Variants in PPARG observed in about 807,000 individuals in gnomAD.
PPARG encodes peroxisome proliferator-activated receptor gamma.
A neutral mutation model predicts 39.2 loss-of-function variants in PPARG; 17 were observed. The observed-to-expected ratio is 0.43, with a 90% CI of 0.30 to 0.65. The LOEUF (loss-of-function observed/expected upper bound fraction) is 0.65. PPARG is among the 30% of genes least tolerant of loss of function. The pLI is 0.13. For missense variants in PPARG, 406 were observed against 585.9 expected (o/e 0.69, Z 3.17); for synonymous variants, 223 against 215.7 (o/e 1.03, Z -0.30).
At chr3:12,395,454 C>A (rs2050225120) in intron 5 of PPARG, among the ~76,000 whole-genome samples, 1 of 152,192 alleles carries the variant, frequency 6.6e-6, no homozygotes, top group Admixed American at 6.5e-5. Flanking sequence ...TACAGAGCCT[C>A]TGGGCTAGAG....
chr3:12,336,690 G>A (rs1417872899), intron 2 of PPARG, among the ~76,000 whole-genome samples: 1 of 152,118 alleles, frequency 6.6e-6, no homozygotes, highest in Non-Finnish European at 1.5e-5. Context: ...TTTGTTTAAA[G>A]TACTGAAAAC....
chr3:12,325,165 G>A (rs1434428990), intron 2 of PPARG, among the ~76,000 whole-genome samples: 3 of 151,980 alleles, frequency 2.0e-5, no homozygotes, highest in Admixed American at 6.6e-5. Context: ...GCTCACACCT[G>A]TAATCCCAAC....
At position 12,418,954 on chromosome 3, in the gene PPARG, T is replaced by C. The variant is rs187570230; in HGVS notation, c.1180+1800T>C. ...TTGTTGTTGTTTGTTTTTTGTTTTT[T>C]TGTTTTTGAGGCGAAGTCTCACTCT... On this transcript the variant is annotated intron_variant, in intron 7 of 7. Transcript: ENST00000651735. Among the ~76,000 whole-genome samples the C allele has an allele frequency of 2.2e-3, 341 of 152,336 alleles. 2 individuals are homozygous for C. Among genetic ancestry groups the C allele is most frequent in the African/African-American group, 7.8e-3 (324 of 41,572 alleles).
intron 1 of PPARG, among the ~76,000 whole-genome samples, chr3:12,292,076 A>G (rs552040851): frequency 6.6e-6 from 1 of 152,344 alleles, no homozygotes; most frequent in African/African-American, 2.4e-5. Flanking sequence ...TCAAACCTCA[A>G]TAACTTTGAG....
At chr3:12,292,776 C>A (rs1447833250) in intron 1 of PPARG, among the ~76,000 whole-genome samples, 2 of 152,126 alleles carry the variant, frequency 1.3e-5, no homozygotes, top group Admixed American at 6.5e-5. Context: ...GGTAACAGCA[C>A]ACGGGGTGAT....
intron 5 of PPARG, chr3:12,399,456 G>A: frequency 2.2e-6 from 1 of 453,586 alleles, no homozygotes. Flanking sequence ...GCGTGGTGGT[G>A]CATGCCTGTG....
chr3:12,292,344 C>G (rs950834735), intron 1 of PPARG, among the ~76,000 whole-genome samples: 1 of 152,268 alleles, frequency 6.6e-6, no homozygotes, highest in South Asian at 2.1e-4. Flanking sequence ...CTTTGCATAT[C>G]TTTATGGCAC....
chr3:12,414,496 T>C (rs995278768), intron 6 of PPARG, among the ~76,000 whole-genome samples: 1 of 152,046 alleles, frequency 6.6e-6, no homozygotes, highest in Admixed American at 6.6e-5. Flanking sequence ...AAAGTAAATA[T>C]TTCATTAATA....
intron 2 of PPARG, among the ~76,000 whole-genome samples, chr3:12,336,478 G>C (rs1429830920): frequency 6.6e-6 from 1 of 152,004 alleles, no homozygotes; most frequent in Non-Finnish European, 1.5e-5. Context: ...TAGTTCTTTA[G>C]AAAAATGGAA....
At chr3:12,351,839 A>G (rs923608074) in intron 2 of PPARG, among the ~76,000 whole-genome samples, 1 of 152,216 alleles carries the variant, frequency 6.6e-6, no homozygotes, top group African/African-American at 2.4e-5. Flanking sequence ...ATTTAAAAAC[A>G]TGTTCAGAAC....
chr3:12,415,313 G>C (rs1559532476), intron 6 of PPARG, among the ~76,000 whole-genome samples: 1 of 151,192 alleles, frequency 6.6e-6, no homozygotes, highest in East Asian at 1.9e-4. Flanking sequence ...GCCTAGGAAA[G>C]GTAAATGACT....
chr3:12,368,490 T>A (rs1325799839), intron 2 of PPARG, among the ~76,000 whole-genome samples: 1 of 152,148 alleles, frequency 6.6e-6, no homozygotes, highest in East Asian at 1.9e-4. Context: ...CCTCTAATCA[T>A]TTTCTTAATT....
intron 2 of PPARG, among the ~76,000 whole-genome samples, chr3:12,369,433 A>G (rs1211007738): frequency 6.6e-6 from 1 of 152,190 alleles, no homozygotes; most frequent in Non-Finnish European, 1.5e-5. Flanking sequence ...TTGAGGCTAC[A>G]GTGAGCTGTG....
intron 6 of PPARG, chr3:12,406,294 A>G: frequency 1.6e-6 from 1 of 608,398 alleles, no homozygotes. Flanking sequence ...AAAGTCCATA[A>G]AGTTTTTGAG....
intron 2 of PPARG, among the ~76,000 whole-genome samples, chr3:12,376,093 G>T (rs867162322): frequency 6.6e-6 from 1 of 152,138 alleles, no homozygotes; most frequent in South Asian, 2.1e-4. Flanking sequence ...GGGATCACAG[G>T]CATGCACCAC....
chr3:12,350,241 T>G (rs2048439995), intron 2 of PPARG, among the ~76,000 whole-genome samples: 1 of 152,138 alleles, frequency 6.6e-6, no homozygotes, highest in Non-Finnish European at 1.5e-5. Context: ...AAGTTTTGCT[T>G]TAACTTGGAT....
At chr3:12,311,946 G>A (rs1441409230) in intron 1 of PPARG, among the ~76,000 whole-genome samples, 1 of 152,088 alleles carries the variant, frequency 6.6e-6, no homozygotes, top group African/African-American at 2.4e-5. Context: ...GATCGTTTTT[G>A]CCATGTATAA....
intron 5 of PPARG, among the ~76,000 whole-genome samples, chr3:12,394,252 G>A (rs566249081): frequency 6.6e-6 from 1 of 152,222 alleles, no homozygotes; most frequent in South Asian, 2.1e-4. Context: ...ACTAATTTTT[G>A]CCTATTAAAA....
At position 12,340,927 on chromosome 3, in the gene PPARG, A is replaced by G. The variant is rs1410522100; in HGVS notation, c.-9+28474A>G. Among the ~76,000 whole-genome samples, 5 of 152,144 alleles carry G rather than the reference A, an allele frequency of 3.3e-5. No homozygotes were observed. In the East Asian group the frequency reaches 9.6e-4, roughly 29 times the overall value. ...TGGCTGGGCGTGGTGGCTCACACCT[A>G]TAATCCCAGCACTTTGGGAGGCCAA... is the stretch of plus-strand genomic sequence containing the variant. On this transcript the variant is annotated intron_variant, in intron 2 of 7. Coordinates refer to ENST00000651735, the MANE Select transcript of PPARG (RefSeq NM_138711.6).
Sources: allele counts gnomAD v4.1 joint callset (sites outside exome capture counted in the v4.1 genomes callset), GRCh38; gene constraint gnomAD v4.1.1; transcripts MANE v1.5; gene names NCBI Gene and HGNC (gene_info 2026-07-23, HGNC 2026-07-21).